NEK7: variants seen among roughly 807,000 people sequenced by gnomAD.
The protein encoded by NEK7 is NIMA related kinase 7, also known as serine/threonine-protein kinase Nek7.
NEK7 carries 18 observed loss-of-function variants against 44.6 expected under a neutral mutation model. That is an observed-to-expected ratio of 0.40 (90% CI 0.28 to 0.60). NEK7 has a LOEUF of 0.60. NEK7 is among the 20% of genes least tolerant of loss of function. The probability of loss-of-function intolerance (pLI) is 0.38; values close to 1 mark genes in which losing one functional copy is unlikely to be tolerated. For synonymous variants in NEK7, 130 were observed against 121.1 expected, an observed-to-expected ratio of 1.07 and a Z score of -0.48; for missense variants, 256 against 366.5, an observed-to-expected ratio of 0.70 and a Z score of 2.46.
chr1:198,178,244 A>G (rs1664661746), intron 1 of NEK7, among the ~76,000 whole-genome samples: 1 of 152,124 alleles, frequency 6.6e-6, no homozygotes, highest in Non-Finnish European at 1.5e-5. Flanking sequence ...AATCGACTCA[A>G]GCCCTAATAA....
At chr1:198,260,492 G>T (rs1203174161) in intron 3 of NEK7, among the ~76,000 whole-genome samples, 2 of 150,728 alleles carry the variant, frequency 1.3e-5, no homozygotes, top group Non-Finnish European at 3.0e-5. Flanking sequence ...TGAAATCATG[G>T]TAGTTAACAT....
intron 1 of NEK7, among the ~76,000 whole-genome samples, chr1:198,176,952 C>T (rs994167231): frequency 6.6e-6 from 1 of 152,030 alleles, no homozygotes; most frequent in African/African-American, 2.4e-5. Context: ...AAATGAGATT[C>T]TGGAGCTACA....
intron 7 of NEK7, among the ~76,000 whole-genome samples, chr1:198,287,491 C>G (rs952702580): frequency 1.3e-5 from 2 of 151,974 alleles, no homozygotes. Flanking sequence ...ATAAATATTT[C>G]TTTTTTGAAG....
chr1:198,216,092 C>T (rs945717789), intron 1 of NEK7, among the ~76,000 whole-genome samples: 33 of 152,170 alleles, frequency 2.2e-4, no homozygotes, highest in African/African-American at 5.8e-4. Flanking sequence ...TAGATATTCA[C>T]GGAACATTCT....
At chr1:198,278,694 T>A (rs1408179665) in intron 6 of NEK7, among the ~76,000 whole-genome samples, 4 of 151,770 alleles carry the variant, frequency 2.6e-5, no homozygotes, top group African/African-American at 9.7e-5. Flanking sequence ...TTTTTGAAAA[T>A]GGAAAACAAA....
intron 2 of NEK7, among the ~76,000 whole-genome samples, chr1:198,242,977 G>A (rs932224800): frequency 1.3e-5 from 2 of 151,848 alleles, no homozygotes; most frequent in African/African-American, 2.4e-5. Context: ...AGTGCTCAGT[G>A]CTTACCTCTT....
intron 3 of NEK7, among the ~76,000 whole-genome samples, chr1:198,257,220 T>C (rs879732349): frequency 1.3e-5 from 2 of 152,200 alleles, no homozygotes; most frequent in East Asian, 1.9e-4. Flanking sequence ...ATAATATTGT[T>C]CAGATTTACC....
intron 1 of NEK7, among the ~76,000 whole-genome samples, chr1:198,218,205 C>G (rs1665981739): frequency 6.6e-6 from 1 of 151,952 alleles, no homozygotes; most frequent in Admixed American, 6.6e-5. Flanking sequence ...CTGCATGGTA[C>G]TGGTATAAAA....
chr1:198,168,308 A>G (rs953257925), intron 1 of NEK7, among the ~76,000 whole-genome samples: 5 of 152,224 alleles, frequency 3.3e-5, no homozygotes, highest in African/African-American at 1.2e-4. Flanking sequence ...CATGGGCTGT[A>G]ATGATGTACC....
At chr1:198,300,718 A>G (rs759625206) in intron 9 of NEK7, among the ~76,000 whole-genome samples, 25 of 151,868 alleles carry the variant, frequency 1.6e-4, no homozygotes, top group Non-Finnish European at 2.2e-4. Flanking sequence ...TTAGTAATTG[A>G]TTGATTGATT....
intron 6 of NEK7, 63 bp downstream of exon 6, chr1:198,278,132 A>G (rs1278462177): frequency 1.1e-6 from 1 of 888,094 alleles, no homozygotes; most frequent in East Asian, 2.4e-5. Flanking sequence ...TTCAAAGTAA[A>G]TGTCTTCAAG....
chr1:198,265,993 C>T (rs1653641004), intron 5 of NEK7, among the ~76,000 whole-genome samples: 1 of 151,810 alleles, frequency 6.6e-6, no homozygotes. Flanking sequence ...CCTTTTTCTC[C>T]CTCACTCCCA....
intron 1 of NEK7, among the ~76,000 whole-genome samples, chr1:198,168,611 G>A (rs1664337282): frequency 6.6e-6 from 1 of 152,244 alleles, no homozygotes; most frequent in Non-Finnish European, 1.5e-5. Context: ...TTTGAGGATA[G>A]ACCGTGTGAT....
chr1:198,276,667 T>C (rs1367369012), intron 5 of NEK7, among the ~76,000 whole-genome samples: 1 of 151,802 alleles, frequency 6.6e-6, no homozygotes, highest in Non-Finnish European at 1.5e-5. Context: ...GTTACTGATA[T>C]AATAACTATT....
intron 1 of NEK7, among the ~76,000 whole-genome samples, chr1:198,222,048 C>T (rs1217462045): frequency 6.6e-6 from 1 of 151,492 alleles, no homozygotes; most frequent in African/African-American, 2.4e-5. Context: ...AAATTCAGTC[C>T]ACTGGCAAGC....
At chr1:198,241,689 T>C (rs533873808) in intron 2 of NEK7, among the ~76,000 whole-genome samples, 8 of 152,342 alleles carry the variant, frequency 5.3e-5, no homozygotes, top group African/African-American at 1.9e-4. Context: ...GGATCAGTTC[T>C]TAGTCCCTCA....
chr1:198,221,992 T>C (rs1055176014), intron 1 of NEK7, among the ~76,000 whole-genome samples: 1 of 151,822 alleles, frequency 6.6e-6, no homozygotes, highest in Non-Finnish European at 1.5e-5. Flanking sequence ...TACAGTATAT[T>C]GTACTTTGTT....
intron 9 of NEK7, among the ~76,000 whole-genome samples, chr1:198,314,752 A>G (rs1460333760): frequency 1.3e-5 from 2 of 152,208 alleles, no homozygotes; most frequent in Non-Finnish European, 2.9e-5. Flanking sequence ...CTCAGGGGTC[A>G]GGGGTCAGAG....
At chr1:198,296,113 T>C (rs1207843408) in intron 8 of NEK7, among the ~76,000 whole-genome samples, 2 of 152,160 alleles carry the variant, frequency 1.3e-5, no homozygotes, top group Non-Finnish European at 2.9e-5. Context: ...TTTCAGCTTG[T>C]CCTGTCCCCA....
Sources: allele counts gnomAD v4.1 joint callset (sites outside exome capture counted in the v4.1 genomes callset), GRCh38; gene constraint gnomAD v4.1.1; transcripts MANE v1.5; gene names NCBI Gene and HGNC (gene_info 2026-07-23, HGNC 2026-07-21).